Variants in NRXN1 observed in about 807,000 individuals in gnomAD.
NRXN1 encodes neurexin 1.
A neutral mutation model predicts 150.9 loss-of-function variants in NRXN1; 39 were observed. That is an observed-to-expected ratio of 0.26 (90% CI 0.20 to 0.34). The LOEUF (loss-of-function observed/expected upper bound fraction) is 0.34. Ranked by LOEUF, NRXN1 falls within the 10% of genes least tolerant of loss-of-function variation. The pLI is 1.00. For synonymous variants in NRXN1, 924 were observed against 757.0 expected, an observed-to-expected ratio of 1.22 and a Z score of -3.62; for missense variants, 1,815 against 1,949.9, an observed-to-expected ratio of 0.93 and a Z score of 1.30.
At chr2:50,984,094 A>G (rs1328793843) in intron 2 of NRXN1, among the ~76,000 whole-genome samples, 1 of 149,004 alleles carries the variant, frequency 6.7e-6, no homozygotes, top group South Asian at 2.1e-4. Context: ...CAGCCTCCCA[A>G]GTAGCTATGA....
chr2:50,205,105 T>C (rs949103493), intron 18 of NRXN1, among the ~76,000 whole-genome samples: 3 of 151,816 alleles, frequency 2.0e-5, no homozygotes, highest in Non-Finnish European at 4.4e-5. Context: ...CTTAGTAGAG[T>C]CACACACAAA....
intron 5 of NRXN1, among the ~76,000 whole-genome samples, chr2:50,772,096 T>C (rs1703078532): frequency 6.6e-6 from 1 of 151,928 alleles, no homozygotes; most frequent in Non-Finnish European, 1.5e-5. Flanking sequence ...ATACAAGTCC[T>C]GGGGTTATGG....
intron 21 of NRXN1, among the ~76,000 whole-genome samples, chr2:49,951,068 T>C (rs1673866570): frequency 6.6e-6 from 1 of 151,918 alleles, no homozygotes; most frequent in African/African-American, 2.4e-5. Flanking sequence ...AACTCTGCCG[T>C]GGTAAAGAAA....
At chr2:50,596,495 A>T (rs527872677) in intron 8 of NRXN1, among the ~76,000 whole-genome samples, 1 of 152,292 alleles carries the variant, frequency 6.6e-6, no homozygotes, top group African/African-American at 2.4e-5. Context: ...GAAATTATGC[A>T]ATTTGCCAAA....
chr2:50,438,204 A>C (rs907792999), intron 17 of NRXN1, among the ~76,000 whole-genome samples: 18 of 151,960 alleles, frequency 1.2e-4, no homozygotes, highest in Non-Finnish European at 2.6e-4. Flanking sequence ...AGGATCAAAA[A>C]CTCTTCTCCA....
At chr2:50,724,895 C>T (rs1419757521) in intron 5 of NRXN1, among the ~76,000 whole-genome samples, 1 of 151,220 alleles carries the variant, frequency 6.6e-6, no homozygotes, top group Non-Finnish European at 1.5e-5. Flanking sequence ...CTTGCTGCTG[C>T]TCACTAAACA....
At chr2:50,930,364 TGACAATTAAAAGAAA>T (rs1687558029) in intron 2 of NRXN1, among the ~76,000 whole-genome samples, 1 of 151,702 alleles carries the variant, frequency 6.6e-6, no homozygotes, top group African/African-American at 2.4e-5. Flanking sequence ...ATCTTGTTAA[TGACAATTAAAAGAAA>T]GAAGAGAAAA....
At chr2:50,471,698 T>G (rs182626902) in intron 16 of NRXN1, among the ~76,000 whole-genome samples, 3 of 151,610 alleles carry the variant, frequency 2.0e-5, no homozygotes, top group African/African-American at 7.3e-5. Flanking sequence ...CATGAACACA[T>G]AGAGGGGATC....
intron 18 of NRXN1, among the ~76,000 whole-genome samples, chr2:50,098,135 C>A (rs919422726): frequency 8.5e-5 from 13 of 152,242 alleles, no homozygotes; most frequent in Middle Eastern, 3.4e-3. Context: ...TCCTGCTGCC[C>A]TGTCTCCTAT....
At chr2:50,658,986 T>G (rs982252131) in intron 5 of NRXN1, among the ~76,000 whole-genome samples, 1 of 152,012 alleles carries the variant, frequency 6.6e-6, no homozygotes, top group Non-Finnish European at 1.5e-5. Flanking sequence ...AAAAGATAGC[T>G]TCAGGGAAGT....
In NRXN1 at chr2:50,736,761, A is replaced by G. The variant is rs549596275; in HGVS notation, c.833-113146T>C. On this transcript the variant is annotated intron_variant, in intron 5 of 22. Coordinates refer to ENST00000401669, the MANE Select transcript of NRXN1 (RefSeq NM_001330078.2). Reference sequence around the variant, plus strand: ...TGTTAGTTTGTTAAACTTTTTCTTTATAAATTACCCAGTCCTGGGTATGCC... The same window carrying G: ...TGTTAGTTTGTTAAACTTTTTCTTTGTAAATTACCCAGTCCTGGGTATGCC... 3.2e-4 allele frequency among the ~76,000 whole-genome samples: 48 copies of G among 152,166 alleles called. 1 individual carries two copies. In the South Asian group the frequency reaches 9.8e-3, roughly 31 times the overall value.
chr2:50,860,380 TTA>T (rs1466414470), intron 5 of NRXN1, among the ~76,000 whole-genome samples: 1 of 151,964 alleles, frequency 6.6e-6, no homozygotes, highest in East Asian at 1.9e-4. Context: ...AAATCAGAGA[TTA>T]TATATGATTT....
rs1414217894 is a variant in NRXN1 at position 49,942,590 on chromosome 2, T to TATC, written c.4216+1113_4216+1114insGAT. ...TCACTCATTTTGTTAATGCAAACAA[T>TATC]ATTATTATTATTATTATTATTATTT... On this transcript the variant is annotated intron_variant, in intron 22 of 22. Coordinates refer to ENST00000401669, the MANE Select transcript of NRXN1 (RefSeq NM_001330078.2). 5.6e-4 allele frequency among the ~76,000 whole-genome samples: 76 copies of TATC among 136,400 alleles called. No homozygotes were observed. In the East Asian group the frequency reaches 9.9e-3, roughly 18 times the overall value. The allele number at this position is 136,400 out of a possible 152,430, so 89.5% of individuals were successfully genotyped here. A position where few individuals can be genotyped will look rare whatever the true frequency, so the allele number is the denominator to read the frequency against.
In NRXN1 at chr2:49,922,094, C is replaced by A; in HGVS notation, c.4374G>T (p.Arg1458=). 6.2e-7 allele frequency: 1 copy of A among 1,614,084 alleles called. No homozygotes were observed. The change falls in exon 23 of 23, where the codon CGG becomes CGT. Residue 1458 remains arginine (R), a synonymous_variant. Transcript: ENST00000401669. ...LLYAMYKYRN[R]DEGSYHVDES... ...CGTCCACATGGTATGAGCCTTCATC[C>A]CGGTTTCTGTACTTGTACATGGCAT...
chr2:50,096,768 AT>A (rs1700282885), intron 18 of NRXN1, among the ~76,000 whole-genome samples: 1 of 152,228 alleles, frequency 6.6e-6, no homozygotes. Flanking sequence ...TAAAGATTAT[AT>A]TATTAAACCA....
intron 17 of NRXN1, among the ~76,000 whole-genome samples, chr2:50,345,071 C>T (rs1168116809): frequency 6.6e-6 from 1 of 152,190 alleles, no homozygotes; most frequent in Non-Finnish European, 1.5e-5. Flanking sequence ...CCAGAAACTC[C>T]TTATTCTTTC....
At chr2:50,461,455 G>C (rs2088203067) in intron 17 of NRXN1, among the ~76,000 whole-genome samples, 1 of 152,004 alleles carries the variant, frequency 6.6e-6, no homozygotes, top group Admixed American at 6.6e-5. Flanking sequence ...TACGGTCATA[G>C]CCATGTTCAT....
At chr2:50,518,011 T>C (rs2092678573) in intron 12 of NRXN1, among the ~76,000 whole-genome samples, 1 of 152,126 alleles carries the variant, frequency 6.6e-6, no homozygotes, top group African/African-American at 2.4e-5. Context: ...ACCTACTTCA[T>C]CTACTAAGAA....
At chr2:50,424,849 A>G (rs115502456) in intron 17 of NRXN1, among the ~76,000 whole-genome samples, 3,382 of 152,256 alleles carry the variant, frequency 0.022, 122 homozygotes, top group African/African-American at 0.078. Flanking sequence ...TTACAGATTA[A>G]TACCAGTAAT....
Sources: gnomAD v4.1 joint callset for allele counts (sites outside exome capture counted in the v4.1 genomes callset) on GRCh38, gnomAD v4.1.1 for gene constraint, MANE v1.5 for transcripts, NCBI Gene and HGNC (gene_info 2026-07-23, HGNC 2026-07-21) for gene names.